RABGAP1L: variants seen among roughly 807,000 people sequenced by gnomAD.
RABGAP1L encodes rab GTPase-activating protein 1-like.
In RABGAP1L, 63 loss-of-function variants were observed where a neutral mutation model predicts 137.7. That is an observed-to-expected ratio of 0.46 (90% CI 0.37 to 0.56). The LOEUF (loss-of-function observed/expected upper bound fraction) is 0.56. Among genes scored for constraint, RABGAP1L ranks in the 20% least tolerant of loss-of-function variants. RABGAP1L has a pLI of 0.00. For synonymous variants in RABGAP1L, 431 were observed against 433.7 expected (o/e 0.99, Z 0.08); for missense variants, 1,095 against 1,244.0 (o/e 0.88, Z 1.80).
chr1:174,781,503 C>T (rs1303001787), intron 18 of RABGAP1L, among the ~76,000 whole-genome samples: 8 of 152,010 alleles, frequency 5.3e-5, no homozygotes, highest in Non-Finnish European at 8.8e-5. Context: ...AAATTTTCTC[C>T]CATTCTGTAG....
At chr1:174,627,059 A>G (rs568243476) in intron 13 of RABGAP1L, among the ~76,000 whole-genome samples, 1 of 152,340 alleles carries the variant, frequency 6.6e-6, no homozygotes, top group South Asian at 2.1e-4. Flanking sequence ...GTACGGTATA[A>G]TACTTATAAA....
At chr1:174,327,962 T>TATATATATACACAC (rs1558135773) in intron 11 of RABGAP1L, among the ~76,000 whole-genome samples, 13 of 12,898 alleles carry the variant, frequency 1.0e-3, no homozygotes, top group African/African-American at 9.0e-3. Context: ...TGTAAATATA[T>TATATATATACACAC]ATATATATAT....
intron 13 of RABGAP1L, among the ~76,000 whole-genome samples, chr1:174,486,151 C>T (rs1425845334): frequency 6.6e-6 from 1 of 150,952 alleles, no homozygotes; most frequent in Non-Finnish European, 1.5e-5. Flanking sequence ...ACTGTTGATC[C>T]CTTGAACATC....
At chr1:174,447,027 G>A (rs1654849070) in intron 13 of RABGAP1L, among the ~76,000 whole-genome samples, 1 of 152,100 alleles carries the variant, frequency 6.6e-6, no homozygotes, top group Non-Finnish European at 1.5e-5. Context: ...AGAAATAACT[G>A]TGAGCTACAT....
intron 18 of RABGAP1L, among the ~76,000 whole-genome samples, chr1:174,772,055 C>G (rs1233178749): frequency 1.3e-5 from 2 of 151,810 alleles, no homozygotes; most frequent in Non-Finnish European, 2.9e-5. Flanking sequence ...AAAAATTAGC[C>G]GGGCCTGGTG....
At chr1:174,197,643 A>G (rs1443070467) in intron 1 of RABGAP1L, among the ~76,000 whole-genome samples, 3 of 152,116 alleles carry the variant, frequency 2.0e-5, no homozygotes, top group African/African-American at 7.2e-5. Context: ...TACTAAAAAT[A>G]CAAAAATTAG....
intron 13 of RABGAP1L, among the ~76,000 whole-genome samples, chr1:174,438,228 C>T (rs1653658955): frequency 6.6e-6 from 1 of 152,148 alleles, no homozygotes; most frequent in African/African-American, 2.4e-5. Flanking sequence ...GCCAGTCTTT[C>T]AACTTTGTTT....
chr1:174,703,955 G>A (rs1430943588), intron 17 of RABGAP1L, among the ~76,000 whole-genome samples: 2 of 152,044 alleles, frequency 1.3e-5, no homozygotes, highest in African/African-American at 2.4e-5. Context: ...TTGTCATTGA[G>A]TTGTTTAAAG....
At chr1:174,646,941 G>A (rs1675015332) in intron 14 of RABGAP1L, among the ~76,000 whole-genome samples, 1 of 152,098 alleles carries the variant, frequency 6.6e-6, no homozygotes, top group South Asian at 2.1e-4. Context: ...CTTGTAAATT[G>A]TATTCCTAGG....
chr1:174,948,835 C>G (rs1667291856), intron 19 of RABGAP1L: 1 of 152,152 alleles, frequency 6.6e-6, no homozygotes, highest in South Asian at 2.1e-4. Context: ...TCCTGTGTGG[C>G]TGGAGCAGAG....
chr1:174,313,443 G>T (rs1679055160), intron 11 of RABGAP1L, among the ~76,000 whole-genome samples: 1 of 152,040 alleles, frequency 6.6e-6, no homozygotes, highest in African/African-American at 2.4e-5. Context: ...TTCCAATTTG[G>T]ATGCCCTTTA....
In RABGAP1L at chr1:174,991,369, AT is replaced by A. The variant is rs1672040754; in HGVS notation, c.*1370del. On this transcript the variant is annotated 3_prime_UTR_variant, in exon 26 of 26. Transcript: ENST00000681986. ...AATCATTGGCCTCATTGTTGAACAT[AT>A]TATTTGCAAAGAATCTTAAACTCTG... The A allele has an allele frequency of 6.6e-6, 1 of 152,236 alleles. No homozygotes were observed. Among genetic ancestry groups the A allele is most frequent in the Non-Finnish European group, 1.5e-5 (1 of 68,038 alleles). 9.4% of individuals were successfully genotyped at this position (152,236 alleles called of 1,614,324 possible).
rs539417423 is a variant in RABGAP1L, at chr1:174,187,307, A to G, written c.-34+27650A>G. ...TAGAGTGAAGGAAGTGAACAGGGTA[A>G]TTTTCTTTTTACAAGACTGAAGCCT... is the stretch of plus-strand genomic sequence containing the variant. On this transcript the variant is annotated intron_variant, in intron 1 of 25. Transcript: ENST00000681986. Among the ~76,000 whole-genome samples, 10 of 151,860 alleles carry G rather than the reference A, an allele frequency of 6.6e-5. No homozygotes were observed. The East Asian group carries it at 1.9e-3, about 29-fold the overall frequency.
intron 14 of RABGAP1L, among the ~76,000 whole-genome samples, chr1:174,641,251 A>G (rs968936632): frequency 2.0e-5 from 3 of 152,014 alleles, no homozygotes; most frequent in Admixed American, 1.3e-4. Flanking sequence ...AGGAGAAATG[A>G]TTTGAACTGT....
In RABGAP1L at chr1:174,660,535, A is replaced by T. The variant is rs577607020; in HGVS notation, c.1825-22987A>T. ...CCTGGTCTAAACTAACATATCTCCTACCTGGTCACCTTGCTTCCAGTGGGT... is the reference window on the plus strand; with the variant it reads ...CCTGGTCTAAACTAACATATCTCCTTCCTGGTCACCTTGCTTCCAGTGGGT... On this transcript the variant is annotated intron_variant, in intron 14 of 25. Coordinates refer to ENST00000681986, the MANE Select transcript of RABGAP1L (RefSeq NM_001366446.1). Among the ~76,000 whole-genome samples, 8 of 152,218 alleles carry T rather than the reference A, an allele frequency of 5.3e-5. No individual in the cohort carries two copies. The South Asian group carries it at 8.3e-4, about 16-fold the overall frequency.
chr1:174,526,437 G>A (rs1040239979), intron 13 of RABGAP1L, among the ~76,000 whole-genome samples: 2 of 151,992 alleles, frequency 1.3e-5, no homozygotes. Flanking sequence ...TTGTGTGTTC[G>A]GTAGAACTCA....
At chr1:174,639,160 GTC>G (rs1674321171) in intron 14 of RABGAP1L, among the ~76,000 whole-genome samples, 1 of 151,646 alleles carries the variant, frequency 6.6e-6, no homozygotes, top group Non-Finnish European at 1.5e-5. Flanking sequence ...TCACACTCCT[GTC>G]TCTTTTTTTC....
intron 10 of RABGAP1L, among the ~76,000 whole-genome samples, chr1:174,289,179 A>T (rs764937052): frequency 2.6e-5 from 4 of 152,118 alleles, no homozygotes; most frequent in Non-Finnish European, 4.4e-5. Context: ...CTAGAAAAAC[A>T]GGCATGGGCC....
intron 14 of RABGAP1L, among the ~76,000 whole-genome samples, chr1:174,672,398 A>G (rs1349590023): frequency 6.7e-5 from 10 of 149,686 alleles, no homozygotes; most frequent in Non-Finnish European, 3.0e-5. Context: ...CTCCTGCCTC[A>G]GCCTCCTGAG....
Sources: allele counts gnomAD v4.1 joint callset (sites outside exome capture counted in the v4.1 genomes callset), GRCh38; gene constraint gnomAD v4.1.1; transcripts MANE v1.5; gene names NCBI Gene and HGNC (gene_info 2026-07-23, HGNC 2026-07-21).